TANC2: variants seen among roughly 807,000 people sequenced by gnomAD.
TANC2 encodes the protein tetratricopeptide repeat, ankyrin repeat and coiled-coil containing 2, also known as protein TANC2.
A neutral mutation model predicts 210.5 loss-of-function variants in TANC2; 26 were observed. The observed-to-expected ratio is 0.12, with a 90% CI of 0.09 to 0.17. The LOEUF is 0.17. Among genes scored for constraint, TANC2 ranks in the 10% least tolerant of loss-of-function variants. The pLI, the probability that TANC2 is intolerant of heterozygous loss-of-function variation, is 1.00. For synonymous variants in TANC2, 931 were observed against 967.1 expected (o/e 0.96, Z 0.69); for missense variants, 2,129 against 2,608.9 (o/e 0.82, Z 4.01).
Position 63,151,390 on chromosome 17 carries a change from C to T in TANC2, c.433+10C>T. On this transcript the variant is annotated intron_variant, in intron 5 of 27. Transcript: ENST00000689528. ...GATGCATACTGCCCTGGTAAGCATG[C>T]ATGCAAAGTGTCTGCTTTGAAAGAG... The T allele has an allele frequency of 1.0e-6, 1 of 982,366 alleles. No homozygotes were observed. The highest frequency in any genetic ancestry group is 1.2e-6 in the Non-Finnish European group (1 of 826,822). 60.9% of individuals were successfully genotyped at this position (982,366 alleles called of 1,614,324 possible).
At chr17:63,256,257 C>G (rs2043192786) in intron 8 of TANC2, among the ~76,000 whole-genome samples, 1 of 152,160 alleles carries the variant, frequency 6.6e-6, no homozygotes, top group Non-Finnish European at 1.5e-5. Context: ...CCTCTTAATA[C>G]TGCTTTCACT....
intron 1 of TANC2, among the ~76,000 whole-genome samples, chr17:62,977,272 T>C (rs1468234791): frequency 3.9e-5 from 6 of 152,222 alleles, no homozygotes; most frequent in Admixed American, 2.0e-4. Context: ...TTAGTATAAT[T>C]ATTGAATCTT....
intron 14 of TANC2, among the ~76,000 whole-genome samples, chr17:63,365,314 T>C (rs543236118): frequency 6.6e-6 from 1 of 152,362 alleles, no homozygotes; most frequent in East Asian, 1.9e-4. Flanking sequence ...ATGAATTTAC[T>C]GTAGCCGTCC....
At chr17:63,300,575 C>T (rs972807362) in intron 9 of TANC2, among the ~76,000 whole-genome samples, 1 of 152,118 alleles carries the variant, frequency 6.6e-6, no homozygotes, top group African/African-American at 2.4e-5. Flanking sequence ...ATTTGGCTCT[C>T]TGCTTGTCTA....
intron 2 of TANC2, among the ~76,000 whole-genome samples, chr17:63,036,711 A>T: frequency 6.6e-6 from 1 of 152,194 alleles, no homozygotes; most frequent in Middle Eastern, 3.4e-3. Context: ...CATTTTTTCC[A>T]TGTGGGATCT....
chr17:63,237,416 G>T (rs1296617410), intron 7 of TANC2, among the ~76,000 whole-genome samples: 1 of 151,982 alleles, frequency 6.6e-6, no homozygotes, highest in African/African-American at 2.4e-5. Flanking sequence ...CATTCTGCAG[G>T]TTCTTTTCAC....
chr17:63,294,573 A>G (rs1448223701), intron 9 of TANC2, among the ~76,000 whole-genome samples: 1 of 152,210 alleles, frequency 6.6e-6, no homozygotes, highest in Non-Finnish European at 1.5e-5. Flanking sequence ...CCATTTTATT[A>G]GAAAAATTTC....
chr17:63,402,365 C>T (rs930896786), intron 19 of TANC2, among the ~76,000 whole-genome samples: 5 of 152,230 alleles, frequency 3.3e-5, no homozygotes, highest in African/African-American at 1.2e-4. Context: ...ACATATTCGT[C>T]TGTTTCCTTA....
intron 8 of TANC2, among the ~76,000 whole-genome samples, chr17:63,260,726 C>T (rs2043330823): frequency 6.6e-6 from 1 of 151,282 alleles, no homozygotes; most frequent in Non-Finnish European, 1.5e-5. Context: ...CACACCACTG[C>T]ACTCTAGCCT....
intron 3 of TANC2, among the ~76,000 whole-genome samples, chr17:63,090,476 C>G (rs1323393685): frequency 2.0e-5 from 3 of 152,030 alleles, no homozygotes; most frequent in African/African-American, 4.8e-5. Context: ...GCTGTCCTTG[C>G]AATAGTTTGC....
intron 7 of TANC2, among the ~76,000 whole-genome samples, chr17:63,229,610 T>C (rs1013948082): frequency 6.6e-6 from 1 of 151,508 alleles, no homozygotes; most frequent in African/African-American, 2.4e-5. Flanking sequence ...TATTTATTAC[T>C]GCCTCAATTT....
Position 63,420,972 on chromosome 17 carries a change from A to G in TANC2, c.5242A>G (p.Ile1748Val), listed in dbSNP as rs370440994. ...GAGCCGGTTGGTTTATCAAGGGTCA[A>G]TTGGGGGAATCGTAGGGGATGGAAG... is the stretch of plus-strand genomic sequence containing the variant. The change falls in exon 28 of 28, where the codon ATT (isoleucine) becomes GTT (valine). Residue 1748 changes from isoleucine to valine, a missense_variant. Transcript: ENST00000689528. The surrounding 1 kb of genome is among the most constrained non-coding windows in gnomAD (Gnocchi z 4.2). 121 of 1,614,000 alleles carry G rather than the reference A, an allele frequency of 7.5e-5. No homozygotes were observed. The highest frequency in any genetic ancestry group is 1.5e-4 in the African/African-American group (11 of 75,048).
chr17:63,286,534 A>C (rs1407979185), intron 9 of TANC2, among the ~76,000 whole-genome samples: 1 of 152,066 alleles, frequency 6.6e-6, no homozygotes, highest in Non-Finnish European at 1.5e-5. Context: ...AGCTGCTTTT[A>C]AGATTTTCTC....
chr17:63,247,617 A>G (rs751290937), intron 8 of TANC2, among the ~76,000 whole-genome samples: 1 of 151,936 alleles, frequency 6.6e-6, no homozygotes, highest in Non-Finnish European at 1.5e-5. Flanking sequence ...GTCTTCCCAT[A>G]ATGTTAGTCT....
At chr17:63,109,455 GA>G (rs1397663036) in intron 4 of TANC2, among the ~76,000 whole-genome samples, 4 of 151,512 alleles carry the variant, frequency 2.6e-5, no homozygotes, top group Non-Finnish European at 5.9e-5. Flanking sequence ...GAATGAGATG[GA>G]AGAAAACTGC....
chr17:63,051,515 T>C (rs546733160), intron 2 of TANC2, among the ~76,000 whole-genome samples: 3 of 152,348 alleles, frequency 2.0e-5, no homozygotes, highest in African/African-American at 7.2e-5. Context: ...GGGATACATG[T>C]GGATCTCACT....
chr17:63,059,611 A>AT (rs199976576), intron 2 of TANC2, among the ~76,000 whole-genome samples: 29,953 of 147,978 alleles, frequency 0.2, 3,132 homozygotes, highest in Middle Eastern at 0.25. Flanking sequence ...TCAAAGCTTG[A>AT]TTTTTTTTTT....
At chr17:63,274,312 G>A (rs1179675383) in intron 9 of TANC2, among the ~76,000 whole-genome samples, 1 of 151,892 alleles carries the variant, frequency 6.6e-6, no homozygotes, top group Non-Finnish European at 1.5e-5. Flanking sequence ...GGTCATGTGA[G>A]TCAACTGTCC....
At chr17:63,030,240 T>A (rs1348371677) in intron 2 of TANC2, among the ~76,000 whole-genome samples, 1 of 152,126 alleles carries the variant, frequency 6.6e-6, no homozygotes, top group East Asian at 1.9e-4. Flanking sequence ...TTTGTTATTG[T>A]GGTAGTTAGG....
Sources: gnomAD v4.1 joint callset for allele counts (sites outside exome capture counted in the v4.1 genomes callset) on GRCh38, gnomAD v4.1.1 for gene constraint, Gnocchi (gnomAD v3.1) non-coding constraint, MANE v1.5 for transcripts, NCBI Gene and HGNC (gene_info 2026-07-23, HGNC 2026-07-21) for gene names.